Variants in SSR3 observed in about 807,000 individuals in gnomAD.
SSR3 encodes translocon-associated protein subunit gamma.
A neutral mutation model predicts 22.1 loss-of-function variants in SSR3; 10 were observed. The ratio of observed to expected loss-of-function variants is 0.45; its 90% CI spans 0.28 to 0.77. The LOEUF is 0.77. SSR3 is among the 30% of genes least tolerant of loss of function. SSR3 has a pLI of 0.13. For synonymous variants in SSR3, 104 were observed against 82.5 expected (o/e 1.26, Z -1.42); for missense variants, 181 against 220.5 (o/e 0.82, Z 1.13).
chr3:156,543,183 G>T lies in SSR3; in HGVS notation c.*20C>A. The T allele has an allele frequency of 6.2e-7, 1 of 1,611,652 alleles. No homozygotes were observed. The highest frequency in any genetic ancestry group is 1.1e-5 in the South Asian group (1 of 90,928). On this transcript the variant is annotated 3_prime_UTR_variant, in exon 5 of 5. Transcript: ENST00000265044. The stretch of plus-strand genomic sequence containing the variant: ...CAGGCCACCCATAGACACAAAGCCA[G>T]GGGGTGAAGCTGACATGGTCTATTT...
chr3:156,552,002 T>TA (rs969989563), intron 2 of SSR3, among the ~76,000 whole-genome samples: 19 of 151,624 alleles, frequency 1.3e-4, no homozygotes, highest in East Asian at 3.9e-4. Context: ...TTAATACATT[T>TA]AAAAAAAACA....
chr3:156,554,865 C>A, intron 1 of SSR3, 92 bp downstream of exon 1: 1 of 1,508,120 alleles, frequency 6.6e-7, no homozygotes, highest in Non-Finnish European at 8.9e-7. Context: ...CGGCCGGCAC[C>A]CACGCCTTCC....
intron 1 of SSR3, chr3:156,554,032 A>ATTT (rs1720062161): frequency 3.2e-6 from 1 of 312,154 alleles, no homozygotes; most frequent in Admixed American, 4.9e-5. Context: ...AACTTCTAAA[A>ATTT]TGAGAACAAA....
intron 2 of SSR3, 59 bp from the exon 3 acceptor site, chr3:156,549,062 T>C: frequency 6.6e-7 from 1 of 1,520,960 alleles, no homozygotes; most frequent in Non-Finnish European, 8.9e-7. Flanking sequence ...AACATCACAC[T>C]CTCTCAGAAA....
intron 3 of SSR3, 107 bp from the exon 4 acceptor site, chr3:156,544,546 T>C: frequency 1.2e-6 from 1 of 869,370 alleles, no homozygotes; most frequent in Non-Finnish European, 1.6e-6. Flanking sequence ...CCTTGAGTGT[T>C]CTAGGGTAAG....
chr3:156,543,164 AC>A lies in SSR3; in HGVS notation c.*38del, dbSNP rs773423799. On this transcript the variant is annotated 3_prime_UTR_variant, in exon 5 of 5. Coordinates refer to ENST00000265044, the MANE Select transcript of SSR3 (RefSeq NM_007107.5). ...GCTACTTTTCCATATACCACAGGCCACCCATAGACACAAAGCCAGGGGGTGA... is the reference window on the plus strand; with the variant it reads ...GCTACTTTTCCATATACCACAGGCCACCATAGACACAAAGCCAGGGGGTGA... 9.4e-6 allele frequency: 15 copies of A among 1,592,296 alleles called. No individual in the cohort carries two copies. Among genetic ancestry groups the A allele is most frequent in the African/African-American group, 9.4e-5 (7 of 74,410 alleles).
chr3:156,550,236 C>T (rs1719902355), intron 2 of SSR3, among the ~76,000 whole-genome samples: 1 of 152,208 alleles, frequency 6.6e-6, no homozygotes, highest in Non-Finnish European at 1.5e-5. Flanking sequence ...AGAAACCTTT[C>T]TTAGCTTAAT....
chr3:156,544,262 C>G, intron 4 of SSR3, 46 bp downstream of exon 4: 2 of 1,455,672 alleles, frequency 1.4e-6, no homozygotes, highest in Non-Finnish European at 1.8e-6. Flanking sequence ...AAATGAACTA[C>G]TGTTTCTTGA....
rs533006755 is a variant in SSR3 at position 156,552,760 on chromosome 3, A to C, written c.260+895T>G. 7.9e-4 allele frequency among the ~76,000 whole-genome samples: 120 copies of C among 152,354 alleles called. 1 individual carries two copies. Among genetic ancestry groups the C allele is most frequent in the African/African-American group, 2.8e-3 (117 of 41,582 alleles). On this transcript the variant is annotated intron_variant, in intron 2 of 4. Transcript: ENST00000265044. ...CAACATCAAAGGGCGTCAATTAAAC[A>C]ATTTATACCACTTCCAATGAGACAA... is the stretch of plus-strand genomic sequence containing the variant.
chr3:156,550,841 T>A (rs1018958757), intron 2 of SSR3, among the ~76,000 whole-genome samples: 20 of 152,218 alleles, frequency 1.3e-4, no homozygotes, highest in African/African-American at 4.8e-4. Context: ...CCAGACTCTA[T>A]GCTTAACATG....
At position 156,544,361 on chromosome 3, in the gene SSR3, C is replaced by T. The variant is rs113882873; in HGVS notation, c.438G>A (p.Leu146=). 6.3e-7 allele frequency: 1 copy of T among 1,598,804 alleles called. No homozygotes were observed. The highest frequency in any genetic ancestry group is 1.7e-4 in the Middle Eastern group (1 of 6,016). The change falls in exon 4 of 5, where the codon CTG becomes CTA. Residue 146 remains leucine (L), a synonymous_variant. Transcript: ENST00000265044. ...FSIFYNNTLF[L]VVVIVASFFI... ...AGAAGGAAGCAACAATGACCACGAC[C>T]AGGAACAGAGTGTTGTTATAGAAGA...
chr3:156,550,685 TA>T (rs1719919249), intron 2 of SSR3, among the ~76,000 whole-genome samples: 2 of 152,084 alleles, frequency 1.3e-5, no homozygotes, highest in Admixed American at 1.3e-4. Context: ...AAATTAAAAA[TA>T]AAAAAAGACA....
At chr3:156,551,241 C>T (rs998469664) in intron 2 of SSR3, among the ~76,000 whole-genome samples, 2 of 151,774 alleles carry the variant, frequency 1.3e-5, no homozygotes, top group African/African-American at 2.4e-5. Flanking sequence ...TAAAATATGG[C>T]GGGTGTCTTC....
At position 156,548,954 on chromosome 3, in the gene SSR3, G is replaced by A; in HGVS notation, c.310C>T (p.Leu104Phe). ...DAVSKEVTRKLSEADNRKMSR... is the reference protein window; with the variant it reads ...DAVSKEVTRKFSEADNRKMSR... Reference sequence around the variant, plus strand: ...ATCTTTCTATTATCAGCTTCAGAAAGTTTTCGAGTCACTTCTTTGGAAACA... The same window carrying A: ...ATCTTTCTATTATCAGCTTCAGAAAATTTTCGAGTCACTTCTTTGGAAACA... Residue 104 changes from leucine (L) to phenylalanine (F), a missense_variant, in exon 3 of 5, where the codon CTT becomes TTT. Physicochemically the swap from Leu to Phe is conservative, Grantham distance 22. Coordinates refer to ENST00000265044, the MANE Select transcript of SSR3 (RefSeq NM_007107.5). The A allele has an allele frequency of 6.2e-7, 1 of 1,613,370 alleles. No homozygotes were observed. Among genetic ancestry groups the A allele is most frequent in the Non-Finnish European group, 8.5e-7 (1 of 1,179,816 alleles).
In SSR3 at chr3:156,541,450, C is replaced by T. The variant is rs1353429873; in HGVS notation, c.*1753G>A. On this transcript the variant is annotated 3_prime_UTR_variant, in exon 5 of 5. Transcript: ENST00000265044. ...GTTTCTTTTTTGAGATGGAGTCTCA[C>T]CCTTGCCACCCAGGCAGTAGTAGCA... The T allele has an allele frequency of 6.6e-6, 1 of 151,902 alleles. No individual in the cohort carries two copies. The highest frequency in any genetic ancestry group is 1.5e-5 in the Non-Finnish European group (1 of 68,004). 9.4% of individuals were successfully genotyped at this position (151,902 alleles called of 1,614,324 possible). A position where few individuals can be genotyped will look rare whatever the true frequency, so the allele number is the denominator to read the frequency against.
chr3:156,549,279 A>G (rs1286681951), intron 2 of SSR3, among the ~76,000 whole-genome samples: 1 of 152,258 alleles, frequency 6.6e-6, no homozygotes, highest in East Asian at 1.9e-4. Flanking sequence ...TGTGGTTAAT[A>G]AAGTCAAATG....
In SSR3 at chr3:156,544,363, G is replaced by C. The variant is rs371008603; in HGVS notation, c.436C>G (p.Leu146Val). The change falls in exon 4 of 5, where the codon CTG becomes GTG. Residue 146 changes from leucine (L) to valine (V), a missense_variant. Physicochemically the swap from Leu to Val is conservative, Grantham distance 32. Coordinates refer to ENST00000265044, the MANE Select transcript of SSR3 (RefSeq NM_007107.5). ...FSIFYNNTLF[L>V]VVVIVASFFI... ...AAGGAAGCAACAATGACCACGACCA[G>C]GAACAGAGTGTTGTTATAGAAGATG... is the stretch of plus-strand genomic sequence containing the variant. 12 of 1,599,288 alleles carry C rather than the reference G, an allele frequency of 7.5e-6. No individual in the cohort carries two copies. The highest frequency in any genetic ancestry group is 1.0e-5 in the Non-Finnish European group (12 of 1,172,596).
rs923824819 is a variant in SSR3 at position 156,539,899 on chromosome 3, C to A, written c.*3304G>T. Among the ~76,000 whole-genome samples, 3 of 152,162 alleles carry A rather than the reference C, an allele frequency of 2.0e-5. No individual in the cohort carries two copies. The highest frequency in any genetic ancestry group is 4.4e-5 in the Non-Finnish European group (3 of 68,040). On this transcript the variant is annotated 3_prime_UTR_variant, in exon 5 of 5. Transcript: ENST00000265044. ...TTTACTGTAACTGCTCAATGCCTTT[C>A]ATTGCCTCACATACATTTGATTGGT...
chr3:156,546,093 C>T (rs1719750316), intron 3 of SSR3, among the ~76,000 whole-genome samples: 1 of 152,150 alleles, frequency 6.6e-6, no homozygotes, highest in South Asian at 2.1e-4. Flanking sequence ...GCTCTGTGTC[C>T]CCACCCAAAT....
Sources: allele counts gnomAD v4.1 joint callset (sites outside exome capture counted in the v4.1 genomes callset), GRCh38; gene constraint gnomAD v4.1.1; transcripts MANE v1.5; gene names NCBI Gene and HGNC (gene_info 2026-07-23, HGNC 2026-07-21).